TCF4: variants seen among roughly 807,000 people sequenced by gnomAD.
The protein encoded by TCF4 is transcription factor 4.
TCF4 carries 3 observed loss-of-function variants against 82.1 expected under a neutral mutation model. The ratio of observed to expected loss-of-function variants is 0.04; its 90% confidence interval spans 0.02 to 0.09. The LOEUF (loss-of-function observed/expected upper bound fraction) is 0.09. TCF4 is among the 10% of genes least tolerant of loss of function. The pLI, the probability that TCF4 is intolerant of heterozygous loss-of-function variation, is 1.00. For synonymous variants in TCF4, 276 were observed against 309.6 expected, an observed-to-expected ratio of 0.89 and a Z score of 1.14; for missense variants, 518 against 852.7, an observed-to-expected ratio of 0.61 and a Z score of 4.89.
intron 3 of TCF4, among the ~76,000 whole-genome samples, chr18:55,520,133 T>C (rs368929998): frequency 2.0e-5 from 3 of 152,166 alleles, no homozygotes; most frequent in Admixed American, 6.5e-5. Flanking sequence ...TGAGGAATAA[T>C]AATTTTCCTA....
At chr18:55,238,570 G>C (rs1568372590) in intron 15 of TCF4, among the ~76,000 whole-genome samples, 1 of 152,148 alleles carries the variant, frequency 6.6e-6, no homozygotes, top group Admixed American at 6.5e-5. Context: ...GTAAGGAAGA[G>C]AAACCTATTT....
chr18:55,355,694 T>A (rs893896142), intron 6 of TCF4, among the ~76,000 whole-genome samples: 2 of 152,184 alleles, frequency 1.3e-5, no homozygotes, highest in Non-Finnish European at 1.5e-5. Flanking sequence ...TTCTGTCCTA[T>A]GCTTGGTTTC....
intron 3 of TCF4, among the ~76,000 whole-genome samples, chr18:55,535,860 G>A (rs528849437): frequency 6.6e-5 from 10 of 152,298 alleles, no homozygotes; most frequent in African/African-American, 2.4e-4. Context: ...GGTCTTGATA[G>A]TAGACTCAAC....
At chr18:55,334,135 T>C (rs1466989398) in intron 8 of TCF4, among the ~76,000 whole-genome samples, 2 of 152,160 alleles carry the variant, frequency 1.3e-5, no homozygotes, top group South Asian at 2.1e-4. Context: ...ATAAATGAAA[T>C]GGAATGTGGG....
chr18:55,454,032 T>G (rs2095682418), intron 5 of TCF4, among the ~76,000 whole-genome samples: 1 of 152,000 alleles, frequency 6.6e-6, no homozygotes, highest in African/African-American at 2.4e-5. Context: ...CCAGCTAATT[T>G]TTTTATTATC....
chr18:55,472,496 C>G (rs990019321), intron 3 of TCF4, among the ~76,000 whole-genome samples: 1 of 152,134 alleles, frequency 6.6e-6, no homozygotes, highest in Admixed American at 6.6e-5. Flanking sequence ...TGGGGTCTTC[C>G]TCTTGAAGAG....
chr18:55,335,236 AAT>A (rs947514168), intron 8 of TCF4, among the ~76,000 whole-genome samples: 55 of 152,334 alleles, frequency 3.6e-4, no homozygotes, highest in African/African-American at 1.2e-3. Context: ...GCTGTGGATA[AAT>A]ATGTTTCAGG....
chr18:55,331,137 A>G (rs2077500380), intron 8 of TCF4, among the ~76,000 whole-genome samples: 1 of 152,110 alleles, frequency 6.6e-6, no homozygotes, highest in Admixed American at 6.5e-5. Context: ...GACAGACAGA[A>G]GCTGCTAGAC....
At chr18:55,367,091 G>A (rs2087387118) in intron 6 of TCF4, among the ~76,000 whole-genome samples, 1 of 152,130 alleles carries the variant, frequency 6.6e-6, no homozygotes, top group African/African-American at 2.4e-5. Flanking sequence ...TAGGACCCAA[G>A]GTGATCTTTG....
chr18:55,511,921 A>T (rs896325695), intron 3 of TCF4, among the ~76,000 whole-genome samples: 1 of 151,422 alleles, frequency 6.6e-6, no homozygotes, highest in African/African-American at 2.4e-5. Flanking sequence ...GCTGCAAAGC[A>T]CTAGATTTGG....
intron 6 of TCF4, chr18:55,401,964 G>T (rs1354004628): frequency 1.4e-5 from 13 of 932,308 alleles, no homozygotes; most frequent in Non-Finnish European, 1.7e-5. Context: ...ACAGGAACAC[G>T]GTCTTCTGCA....
intron 3 of TCF4, among the ~76,000 whole-genome samples, chr18:55,485,966 G>A (rs1347582611): frequency 6.6e-6 from 1 of 152,146 alleles, no homozygotes; most frequent in Non-Finnish European, 1.5e-5. Flanking sequence ...TAATACTGAA[G>A]TTTTACGGTA....
chr18:55,315,835 C>T (rs1234310204), intron 8 of TCF4, among the ~76,000 whole-genome samples: 1 of 152,062 alleles, frequency 6.6e-6, no homozygotes, highest in African/African-American at 2.4e-5. Flanking sequence ...ACTTTTGTCA[C>T]TACTGATCTC....
intron 10 of TCF4, among the ~76,000 whole-genome samples, chr18:55,272,228 C>T (rs1425424410): frequency 6.6e-6 from 1 of 151,984 alleles, no homozygotes; most frequent in African/African-American, 2.4e-5. Context: ...TTTTTAGAGA[C>T]TCATAGAAAA....
intron 6 of TCF4, among the ~76,000 whole-genome samples, chr18:55,358,158 T>C (rs1373105064): frequency 2.0e-5 from 3 of 152,258 alleles, no homozygotes; most frequent in Non-Finnish European, 2.9e-5. Flanking sequence ...ATGTTTTAAC[T>C]TTCTACAGTG....
intron 8 of TCF4, among the ~76,000 whole-genome samples, chr18:55,300,742 C>A (rs559089242): frequency 6.6e-6 from 1 of 152,246 alleles, no homozygotes; most frequent in South Asian, 2.1e-4. Context: ...TCCCTCCCAC[C>A]TTCCAATCCC....
chr18:55,561,817 T>C (rs967071219), intron 3 of TCF4, among the ~76,000 whole-genome samples: 3 of 152,200 alleles, frequency 2.0e-5, no homozygotes, highest in Non-Finnish European at 4.4e-5. Context: ...TTGTTTAATT[T>C]TTCTCATCTG....
intron 11 of TCF4, chr18:55,264,780 T>A (rs1480760661): frequency 6.6e-6 from 1 of 152,132 alleles, no homozygotes; most frequent in Non-Finnish European, 1.5e-5. Flanking sequence ...TGGTAAAGAC[T>A]TTATCGATTT....
intron 6 of TCF4, among the ~76,000 whole-genome samples, chr18:55,361,442 T>C (rs1487572680): frequency 6.6e-6 from 1 of 152,226 alleles, no homozygotes; most frequent in African/African-American, 2.4e-5. Flanking sequence ...CAGAGTCACA[T>C]GGAATTGCTC....
Sources: gnomAD v4.1 joint callset for allele counts (sites outside exome capture counted in the v4.1 genomes callset) on GRCh38, gnomAD v4.1.1 for gene constraint, MANE v1.5 for transcripts, NCBI Gene and HGNC (gene_info 2026-07-23, HGNC 2026-07-21) for gene names.